GPD2: variants seen among roughly 807,000 people sequenced by gnomAD.
GPD2 encodes the protein glycerol-3-phosphate dehydrogenase, mitochondrial.
Under a neutral mutation model 82.4 loss-of-function variants are expected in GPD2, and 54 were observed. That is an observed-to-expected ratio of 0.66 (90% CI 0.53 to 0.82). The LOEUF (loss-of-function observed/expected upper bound fraction) is 0.82, where lower values mean the gene tolerates loss of function less well. Among genes scored for constraint, GPD2 ranks in the 40% least tolerant of loss-of-function variants. The pLI, the probability that GPD2 is intolerant of heterozygous loss-of-function variation, is 0.00. For synonymous variants in GPD2, 288 were observed against 306.1 expected, an observed-to-expected ratio of 0.94 and a Z score of 0.62; for missense variants, 748 against 896.2, an observed-to-expected ratio of 0.83 and a Z score of 2.11.
chr2:156,447,963 C>T (rs1015300016), intron 1 of GPD2, among the ~76,000 whole-genome samples: 6 of 152,186 alleles, frequency 3.9e-5, no homozygotes, highest in Non-Finnish European at 5.9e-5. Flanking sequence ...ACTTGCATGT[C>T]CCACAGTTGA....
rs1354376447 is a variant in GPD2 at position 156,579,174 on chromosome 2, T to C, written c.1959+10T>C. 2 of 1,516,718 alleles carry C rather than the reference T, an allele frequency of 1.3e-6. No individual in the cohort carries two copies. The highest frequency in any genetic ancestry group is 1.8e-6 in the Non-Finnish European group (2 of 1,091,698). The allele number at this position is 1,516,718 out of a possible 1,614,324, so 94.0% of individuals were successfully genotyped here. On this transcript the variant is annotated intron_variant, in intron 15 of 16. Transcript: ENST00000438166. ...TCAGCGTGTATTAGAGGTAATTTTCTTTGGTTGATGTCAGCCTCTGATACT... is the reference window on the plus strand; with the variant it reads ...TCAGCGTGTATTAGAGGTAATTTTCCTTGGTTGATGTCAGCCTCTGATACT...
the GPD2 span, among the ~76,000 whole-genome samples, chr2:156,402,091 C>T: frequency 2.6e-5 from 4 of 152,174 alleles, no homozygotes; most frequent in Non-Finnish European, 2.9e-5. Context: ...ACTTCAACCC[C>T]GTGAGTTAGG....
intron 6 of GPD2, among the ~76,000 whole-genome samples, chr2:156,533,397 T>C (rs1432717334): frequency 6.6e-6 from 1 of 152,240 alleles, no homozygotes; most frequent in Non-Finnish European, 1.5e-5. Context: ...CTTGTGTTTC[T>C]GTTGCTGAAG....
chr2:156,434,236 T>G (rs1355374815), upstream of GPD2, among the ~76,000 whole-genome samples: 1 of 152,154 alleles, frequency 6.6e-6, no homozygotes, highest in Non-Finnish European at 1.5e-5. Context: ...CCTGAGTAGC[T>G]GGGATTACAG....
Position 156,569,526 on chromosome 2 carries a change from A to T in GPD2, c.1464A>T (p.Gly488=). Residue 488 remains glycine, a synonymous_variant, in exon 11 of 17, where the codon GGA becomes GGT. Transcript: ENST00000438166. ...TLYIRLVQDY[G]LESEVAQHLA... ...ACATTAGGCTTGTGCAGGATTATGG[A>T]CTTGAAAGCGAGGTGAGTGTGCATT... 1.2e-6 allele frequency: 2 copies of T among 1,612,564 alleles called. No homozygotes were observed. The highest frequency in any genetic ancestry group is 1.7e-6 in the Non-Finnish European group (2 of 1,178,786).
chr2:156,400,356 G>GTTC, the GPD2 span, among the ~76,000 whole-genome samples: 1 of 152,236 alleles, frequency 6.6e-6, no homozygotes, highest in Non-Finnish European at 1.5e-5. Flanking sequence ...TTGGACCGGG[G>GTTC]TTCTACCCGG....
At chr2:156,568,504 T>G (rs977068850) in intron 9 of GPD2, among the ~76,000 whole-genome samples, 1 of 152,110 alleles carries the variant, frequency 6.6e-6, no homozygotes, top group African/African-American at 2.4e-5. Context: ...TTTTTTTTCT[T>G]TCTTGTTTTT....
intron 2 of GPD2, among the ~76,000 whole-genome samples, chr2:156,479,323 T>C (rs973681088): frequency 6.6e-6 from 1 of 152,178 alleles, no homozygotes; most frequent in East Asian, 1.9e-4. Flanking sequence ...GGTGGGAGAA[T>C]AGAGGCCTCC....
chr2:156,437,502 G>A (rs2105131470), intron 1 of GPD2, among the ~76,000 whole-genome samples: 1 of 152,284 alleles, frequency 6.6e-6, no homozygotes, highest in South Asian at 2.1e-4. Context: ...GCAGTCTGGG[G>A]AACCTTGTGA....
upstream of GPD2, among the ~76,000 whole-genome samples, chr2:156,433,381 T>C (rs2105125669): frequency 6.6e-6 from 1 of 152,278 alleles, no homozygotes; most frequent in Middle Eastern, 3.4e-3. Context: ...ACGGATCAGC[T>C]GGTACCACCT....
At chr2:156,512,397 A>C (rs1685035037) in intron 5 of GPD2, 80 bp downstream of exon 5, 2 of 784,962 alleles carry the variant, frequency 2.5e-6, no homozygotes, top group African/African-American at 3.4e-5. Context: ...ATAATCCCTC[A>C]ATGCATATTT....
chr2:156,444,218 G>C (rs574986652), intron 1 of GPD2, among the ~76,000 whole-genome samples: 1 of 152,248 alleles, frequency 6.6e-6, no homozygotes, highest in Admixed American at 6.5e-5. Context: ...CTGGAGTTTG[G>C]GGTTTCCTTG....
chr2:156,556,882 T>C (rs1686982431), intron 8 of GPD2, among the ~76,000 whole-genome samples: 1 of 152,252 alleles, frequency 6.6e-6, no homozygotes, highest in African/African-American at 2.4e-5. Flanking sequence ...GATTACATTT[T>C]AGTTTCTAGA....
intron 1 of GPD2, among the ~76,000 whole-genome samples, chr2:156,475,352 G>A (rs1010844161): frequency 6.6e-6 from 1 of 151,168 alleles, no homozygotes. Context: ...TTTTTGAGAC[G>A]GAGTCTAGCT....
intron 11 of GPD2, 26 bp downstream of exon 11, chr2:156,569,564 TAC>T (rs771993784): frequency 1.9e-6 from 3 of 1,564,002 alleles, no homozygotes; most frequent in Non-Finnish European, 2.6e-6. Context: ...CACATCATCT[TAC>T]TCTTTACCTA....
At chr2:156,409,823 T>C in the GPD2 span, among the ~76,000 whole-genome samples, 1 of 152,190 alleles carries the variant, frequency 6.6e-6, no homozygotes, top group Non-Finnish European at 1.5e-5. Context: ...GTATGGTGGT[T>C]CATGCCTTTA....
intron 3 of GPD2, among the ~76,000 whole-genome samples, chr2:156,504,319 TA>T (rs779253017): frequency 3.9e-5 from 6 of 152,050 alleles, no homozygotes; most frequent in Admixed American, 3.9e-4. Context: ...TCCCTTTTCT[TA>T]TTAATGGCAA....
intron 6 of GPD2, among the ~76,000 whole-genome samples, chr2:156,533,150 CATT>C (rs1321354510): frequency 5.3e-5 from 8 of 152,206 alleles, no homozygotes; most frequent in Admixed American, 2.6e-4. Context: ...TGACCACTCT[CATT>C]GTTGTTTTCT....
intron 1 of GPD2, among the ~76,000 whole-genome samples, chr2:156,440,932 G>C (rs949752510): frequency 6.6e-6 from 1 of 152,186 alleles, no homozygotes; most frequent in African/African-American, 2.4e-5. Context: ...GATAGCTTCA[G>C]GATGGAGATG....
Sources: gnomAD v4.1 joint callset for allele counts (sites outside exome capture counted in the v4.1 genomes callset) on GRCh38, gnomAD v4.1.1 for gene constraint, MANE v1.5 for transcripts, NCBI Gene and HGNC (gene_info 2026-07-23, HGNC 2026-07-21) for gene names.